Variants in PTPRD observed in about 807,000 individuals in gnomAD.
PTPRD encodes the protein receptor-type tyrosine-protein phosphatase delta.
PTPRD carries 34 observed loss-of-function variants against 214.5 expected under a neutral mutation model. The observed-to-expected ratio is 0.16, with a 90% CI of 0.12 to 0.21. PTPRD has a LOEUF of 0.21. Among genes scored for constraint, PTPRD ranks in the 10% least tolerant of loss-of-function variants. PTPRD has a pLI of 1.00. For synonymous variants in PTPRD, 1,128 were observed against 845.7 expected (o/e 1.33, Z -5.79); for missense variants, 2,545 against 2,398.7 (o/e 1.06, Z -1.27).
chr9:10,534,840 C>T (rs2057363262), intron 2 of PTPRD, among the ~76,000 whole-genome samples: 1 of 152,154 alleles, frequency 6.6e-6, no homozygotes, highest in South Asian at 2.1e-4. Flanking sequence ...ATTCAGTTGA[C>T]ACAAGTTTTC....
At position 9,370,294 on chromosome 9, in the gene PTPRD, T is replaced by C. The variant is rs377430690; in HGVS notation, c.-203+27155A>G. Among the ~76,000 whole-genome samples, 4 of 152,208 alleles carry C rather than the reference T, an allele frequency of 2.6e-5. No individual in the cohort carries two copies. The East Asian group carries it at 7.7e-4, about 29-fold the overall frequency. ...TGTCCTCTTTTATTTCCCTGAGCAGTGGTTTGTAGTTCTCCTTGAAGAGGT... is the reference window on the plus strand; with the variant it reads ...TGTCCTCTTTTATTTCCCTGAGCAGCGGTTTGTAGTTCTCCTTGAAGAGGT... On this transcript the variant is annotated intron_variant, in intron 9 of 45. Coordinates refer to ENST00000381196, the MANE Select transcript of PTPRD (RefSeq NM_002839.4).
intron 14 of PTPRD, among the ~76,000 whole-genome samples, chr9:8,576,939 C>G (rs1010928470): frequency 3.3e-5 from 5 of 152,302 alleles, no homozygotes; most frequent in African/African-American, 1.2e-4. Flanking sequence ...GCAGAGCCAT[C>G]TGGACCTTTA....
intron 2 of PTPRD, among the ~76,000 whole-genome samples, chr9:10,535,130 T>C (rs550020577): frequency 6.6e-6 from 1 of 152,214 alleles, no homozygotes; most frequent in East Asian, 1.9e-4. Flanking sequence ...AGAAACATAT[T>C]GTGGCTTGTT....
chr9:10,142,765 C>A (rs1219269761), intron 3 of PTPRD, among the ~76,000 whole-genome samples: 1 of 148,602 alleles, frequency 6.7e-6, no homozygotes, highest in East Asian at 2.0e-4. Context: ...CCCAGCCATC[C>A]CATTACTGGG....
At chr9:9,498,939 C>T (rs1380761627) in intron 8 of PTPRD, among the ~76,000 whole-genome samples, 2 of 148,506 alleles carry the variant, frequency 1.3e-5, no homozygotes, top group African/African-American at 5.0e-5. Context: ...CTTATTTTTT[C>T]TCTCTCTGTC....
intron 3 of PTPRD, among the ~76,000 whole-genome samples, chr9:10,337,344 G>A (rs896913152): frequency 2.0e-5 from 3 of 151,516 alleles, no homozygotes; most frequent in African/African-American, 7.3e-5. Flanking sequence ...GCTATTCAAC[G>A]TAGCACACTT....
chr9:10,486,700 T>G (rs1437864547), intron 2 of PTPRD, among the ~76,000 whole-genome samples: 1 of 152,210 alleles, frequency 6.6e-6, no homozygotes, highest in Non-Finnish European at 1.5e-5. Flanking sequence ...TTTAAATGTT[T>G]TAGGACATTT....
chr9:8,655,762 A>G (rs1279035987), intron 12 of PTPRD, among the ~76,000 whole-genome samples: 1 of 148,226 alleles, frequency 6.7e-6, no homozygotes, highest in Admixed American at 6.7e-5. Context: ...TCTTTTTTTA[A>G]TATCTCCTTC....
At chr9:9,181,201 G>A (rs1447197261) in intron 10 of PTPRD, among the ~76,000 whole-genome samples, 4 of 151,764 alleles carry the variant, frequency 2.6e-5, no homozygotes. Context: ...CTCAACAAAT[G>A]ATTTCAATAA....
In PTPRD at chr9:10,005,854, G is replaced by T. The variant is rs549026696; in HGVS notation, c.-472+27864C>A. Among the ~76,000 whole-genome samples the T allele has an allele frequency of 2.4e-4, 37 of 151,852 alleles. No homozygotes were observed. In the South Asian group the frequency reaches 7.5e-3, roughly 31 times the overall value. On this transcript the variant is annotated intron_variant, in intron 4 of 45. Coordinates refer to ENST00000381196, the MANE Select transcript of PTPRD (RefSeq NM_002839.4). The stretch of plus-strand genomic sequence containing the variant: ...TTTCATTATAGTATTAGATATAAAA[G>T]AACAAAATTGTACTAAAATATACAA...
chr9:9,352,318 T>TAC (rs200662659), intron 9 of PTPRD, among the ~76,000 whole-genome samples: 142 of 95,868 alleles, frequency 1.5e-3, no homozygotes, highest in African/African-American at 5.7e-3. Context: ...ACCATATATA[T>TAC]ATATATATAT....
Position 8,315,425 on chromosome 9 carries a change from G to A in PTPRD, c.*2449C>T, listed in dbSNP as rs553386246. ...CTACATGTCCAACAAGGCATGTCTGGATGATGCAATGTCTGTCTGACCCCC... is the reference window on the plus strand; with the variant it reads ...CTACATGTCCAACAAGGCATGTCTGAATGATGCAATGTCTGTCTGACCCCC... On this transcript the variant is annotated 3_prime_UTR_variant, in exon 46 of 46. Transcript: ENST00000381196. 41 of 232,438 alleles carry A rather than the reference G, an allele frequency of 1.8e-4. No individual in the cohort carries two copies. In the South Asian group the frequency reaches 4.2e-3, roughly 24 times the overall value. The allele number at this position is 232,438 out of a possible 1,614,324, so 14.4% of individuals were successfully genotyped here.
chr9:8,976,204 G>C (rs973602138), intron 11 of PTPRD, among the ~76,000 whole-genome samples: 1 of 151,970 alleles, frequency 6.6e-6, no homozygotes. Flanking sequence ...CATATTGTTT[G>C]TGTTTAAACT....
chr9:9,573,388 G>A (rs1261774025), intron 8 of PTPRD, among the ~76,000 whole-genome samples: 3 of 150,610 alleles, frequency 2.0e-5, no homozygotes, highest in East Asian at 3.9e-4. Context: ...AGTATAACAG[G>A]ACTCAAAGTA....
chr9:9,249,912 C>T (rs7032620), intron 9 of PTPRD, among the ~76,000 whole-genome samples: 114,320 of 152,032 alleles, frequency 0.75, 43,278 homozygotes, highest in Non-Finnish European at 0.78. Flanking sequence ...TCAAAACATA[C>T]TTTGTCTTAA....
At chr9:8,496,907 C>A (rs772813796) in intron 26 of PTPRD, among the ~76,000 whole-genome samples, 16 of 152,198 alleles carry the variant, frequency 1.1e-4, no homozygotes, top group Non-Finnish European at 2.9e-5. Context: ...GACCATTCTT[C>A]TTCCAATGTG....
At chr9:10,395,523 G>A (rs573797576) in intron 2 of PTPRD, among the ~76,000 whole-genome samples, 46 of 151,706 alleles carry the variant, frequency 3.0e-4, no homozygotes, top group African/African-American at 1.0e-3. Context: ...TCCAATATAC[G>A]ACATTGTGTC....
At chr9:8,519,127 C>T (rs1231705563) in intron 20 of PTPRD, among the ~76,000 whole-genome samples, 1 of 152,008 alleles carries the variant, frequency 6.6e-6, no homozygotes, top group Non-Finnish European at 1.5e-5. Flanking sequence ...AATTTCAAAT[C>T]AATGCTTTAT....
intron 5 of PTPRD, among the ~76,000 whole-genome samples, chr9:9,870,468 C>A (rs949871832): frequency 6.6e-6 from 1 of 151,836 alleles, no homozygotes; most frequent in African/African-American, 2.4e-5. Flanking sequence ...TGCCCATACC[C>A]TTTAATATGC....
Sources: gnomAD v4.1 joint callset for allele counts (sites outside exome capture counted in the v4.1 genomes callset) on GRCh38, gnomAD v4.1.1 for gene constraint, MANE v1.5 for transcripts, NCBI Gene and HGNC (gene_info 2026-07-23, HGNC 2026-07-21) for gene names.